SORCS1: variants seen among roughly 807,000 people sequenced by gnomAD.
The protein encoded by SORCS1 is sortilin related VPS10 domain containing receptor 1.
Under a neutral mutation model 146.1 loss-of-function variants are expected in SORCS1, and 60 were observed. The observed-to-expected ratio is 0.41, with a 90% CI of 0.33 to 0.51. The LOEUF (loss-of-function observed/expected upper bound fraction) is 0.51, where lower values mean the gene tolerates loss of function less well. Among genes scored for constraint, SORCS1 ranks in the 20% least tolerant of loss-of-function variants. The pLI, the probability that SORCS1 is intolerant of heterozygous loss-of-function variation, is 0.21. For synonymous variants in SORCS1, 637 were observed against 584.0 expected (o/e 1.09, Z -1.31); for missense variants, 1,352 against 1,487.6 (o/e 0.91, Z 1.50).
intron 24 of SORCS1, among the ~76,000 whole-genome samples, chr10:106,588,798 T>A (rs1845405011): frequency 7.2e-6 from 1 of 139,426 alleles, no homozygotes; most frequent in Non-Finnish European, 1.5e-5. Flanking sequence ...GAGGCAGAGC[T>A]TGCAGTGAGC....
At chr10:106,733,099 C>T (rs1409979908) in intron 5 of SORCS1, among the ~76,000 whole-genome samples, 2 of 134,548 alleles carry the variant, frequency 1.5e-5, no homozygotes, top group Admixed American at 7.4e-5. Context: ...CAAAGTGATA[C>T]TCCATTTCAA....
At chr10:107,058,882 ACT>A (rs1277364990) in intron 1 of SORCS1, among the ~76,000 whole-genome samples, 4 of 152,146 alleles carry the variant, frequency 2.6e-5, no homozygotes, top group Non-Finnish European at 5.9e-5. Flanking sequence ...TTCAAATCTT[ACT>A]CTGTTTGAAT....
At chr10:106,813,246 C>T (rs1460253540) in intron 3 of SORCS1, among the ~76,000 whole-genome samples, 3 of 150,110 alleles carry the variant, frequency 2.0e-5, no homozygotes, top group East Asian at 2.0e-4. Flanking sequence ...TACTCTCCTG[C>T]CTCAGCCTCC....
intron 2 of SORCS1, among the ~76,000 whole-genome samples, chr10:106,836,653 T>G (rs1177282936): frequency 1.3e-5 from 2 of 151,998 alleles, no homozygotes; most frequent in African/African-American, 4.8e-5. Context: ...TAAAACTCTT[T>G]GAGGTTGTAT....
intron 23 of SORCS1, among the ~76,000 whole-genome samples, chr10:106,598,752 G>T (rs1017246381): frequency 1.3e-5 from 2 of 151,306 alleles, no homozygotes; most frequent in East Asian, 3.9e-4. Context: ...CCAAAATAAC[G>T]CCTTTAATCC....
intron 3 of SORCS1, among the ~76,000 whole-genome samples, chr10:106,805,834 G>A (rs1292200077): frequency 6.6e-6 from 1 of 151,946 alleles, no homozygotes; most frequent in Non-Finnish European, 1.5e-5. Flanking sequence ...CGAGACAGGT[G>A]GATCACGAGG....
At position 106,716,341 on chromosome 10, in the gene SORCS1, A is replaced by G. The variant is rs571973307; in HGVS notation, c.1025-7000T>C. On this transcript the variant is annotated intron_variant, in intron 6 of 25. Coordinates refer to ENST00000263054, the MANE Select transcript of SORCS1 (RefSeq NM_052918.5). ...CTCCAGCATGGCGTGTGACTCTGAG[A>G]AGGTCATCAACCAAGCTCAGTTTTA... Among the ~76,000 whole-genome samples, 6 of 152,298 alleles carry G rather than the reference A, an allele frequency of 3.9e-5. No individual in the cohort carries two copies. The East Asian group carries it at 1.2e-3, about 29-fold the overall frequency.
At chr10:106,654,921 A>C (rs1226016291) in intron 17 of SORCS1, among the ~76,000 whole-genome samples, 3 of 151,834 alleles carry the variant, frequency 2.0e-5, no homozygotes, top group Non-Finnish European at 4.4e-5. Context: ...CTGCGGCTTT[A>C]TTATGGCTCA....
At chr10:106,732,769 T>A (rs934229993) in intron 5 of SORCS1, among the ~76,000 whole-genome samples, 1 of 152,164 alleles carries the variant, frequency 6.6e-6, no homozygotes, top group African/African-American at 2.4e-5. Context: ...TCTTGTATTA[T>A]CTTTAATGGC....
intron 1 of SORCS1, among the ~76,000 whole-genome samples, chr10:107,148,492 TGGCTTGTGGGC>T (rs1407620242): frequency 2.6e-5 from 4 of 152,218 alleles, no homozygotes; most frequent in Non-Finnish European, 5.9e-5. Context: ...TAACCATCTT[TGGCTTGTGGGC>T]CATAAAAAAC....
chr10:107,164,254 C>T lies in SORCS1; in HGVS notation c.273G>A (p.Arg91=). The T allele has an allele frequency of 6.2e-7, 1 of 1,605,898 alleles. No homozygotes were observed. Among genetic ancestry groups the T allele is most frequent in the South Asian group, 1.1e-5 (1 of 90,926 alleles). ...APGDRALSLE[R]ARGTGASMAV... ...CCATGGATGCCCCAGTGCCCCGAGC[C>T]CGCTCCAGGGATAGCGCTCGGTCCC... Residue 91 remains arginine, a synonymous_variant, in exon 1 of 26, where the codon CGG becomes CGA. Transcript: ENST00000263054. The surrounding 1 kb of genome is among the most constrained non-coding windows in gnomAD (Gnocchi z 6.8).
At chr10:106,766,620 A>C (rs1307842595) in intron 4 of SORCS1, among the ~76,000 whole-genome samples, 1 of 152,216 alleles carries the variant, frequency 6.6e-6, no homozygotes, top group Non-Finnish European at 1.5e-5. Flanking sequence ...AACTTCACTA[A>C]GAGCTGACAC....
At chr10:107,073,637 G>A (rs973635440) in intron 1 of SORCS1, among the ~76,000 whole-genome samples, 7 of 152,154 alleles carry the variant, frequency 4.6e-5, no homozygotes, top group African/African-American at 1.7e-4. Context: ...AAGAAAGCGA[G>A]GCTCAGAGAA....
At chr10:107,038,747 T>C (rs1244049764) in intron 1 of SORCS1, among the ~76,000 whole-genome samples, 3 of 151,888 alleles carry the variant, frequency 2.0e-5, no homozygotes, top group African/African-American at 7.3e-5. Context: ...GCACATTTAA[T>C]ATTCAATATT....
intron 4 of SORCS1, among the ~76,000 whole-genome samples, chr10:106,774,555 C>T (rs1029585124): frequency 1.3e-5 from 2 of 151,762 alleles, no homozygotes; most frequent in Non-Finnish European, 2.9e-5. Context: ...ATATGACATT[C>T]CTGTTGTAAA....
rs1158921880 is a variant in SORCS1, at chr10:106,822,782, G to GTTTTT, written c.726+6787_726+6791dup. Among the ~76,000 whole-genome samples the GTTTTT allele has an allele frequency of 3.4e-3, 379 of 113,126 alleles. 8 individuals are homozygous for GTTTTT. Among genetic ancestry groups the GTTTTT allele is most frequent in the African/African-American group, 0.013 (347 of 26,302 alleles). The allele number at this position is 113,126 out of a possible 152,430, so 74.2% of individuals were successfully genotyped here. ...CACTATGTCTCTGAATTCATGTGTG[G>GTTTTT]TTTTTTTTTTTTTTTTTTTTGAATA... On this transcript the variant is annotated intron_variant, in intron 3 of 25. Coordinates refer to ENST00000263054, the MANE Select transcript of SORCS1 (RefSeq NM_052918.5).
In SORCS1 at chr10:106,761,676, A is replaced by C; in HGVS notation, c.886-15T>G. The C allele has an allele frequency of 1.2e-6, 2 of 1,611,966 alleles. No homozygotes were observed. The highest frequency in any genetic ancestry group is 2.2e-5 in the South Asian group (2 of 91,044). On this transcript the variant is annotated splice_polypyrimidine_tract_variant and intron_variant, in intron 4 of 25. Coordinates refer to ENST00000263054, the MANE Select transcript of SORCS1 (RefSeq NM_052918.5). ...GAGCTGTATAACTGTAAAGAACAGA[A>C]ATTACTCAGCACTATGGTTCTATAG... is the stretch of plus-strand genomic sequence containing the variant.
chr10:106,679,092 C>T (rs746884854), intron 12 of SORCS1, among the ~76,000 whole-genome samples, 164 bp downstream of exon 12: 7 of 152,142 alleles, frequency 4.6e-5, no homozygotes, highest in Non-Finnish European at 8.8e-5. Context: ...ATATTTGCTA[C>T]ACTCCAACAT....
In SORCS1 at chr10:106,622,289, GAA is replaced by G. The variant is rs554464573; in HGVS notation, c.2663-1730_2663-1729del. ...TGGTGACAGAGCAAGATTCCATCTC[GAA>G]AAAAAAAAAAAAAAAAAAAAAAGAT... On this transcript the variant is annotated intron_variant, in intron 19 of 25. Transcript: ENST00000263054. Among the ~76,000 whole-genome samples the G allele has an allele frequency of 3.4e-3, 132 of 39,032 alleles. 1 individual carries two copies. The highest frequency in any genetic ancestry group is 9.0e-3 in the African/African-American group (108 of 11,968). 25.6% of individuals were successfully genotyped at this position (39,032 alleles called of 152,430 possible).
Sources: allele counts gnomAD v4.1 joint callset (sites outside exome capture counted in the v4.1 genomes callset), GRCh38; gene constraint gnomAD v4.1.1; non-coding constraint Gnocchi (gnomAD v3.1); transcripts MANE v1.5; gene names NCBI Gene and HGNC (gene_info 2026-07-23, HGNC 2026-07-21).